RP1: variants seen among roughly 807,000 people sequenced by gnomAD.
RP1 encodes the protein oxygen-regulated protein 1.
Under a neutral mutation model 14.8 loss-of-function variants are expected in RP1, and 16 were observed. That is an observed-to-expected ratio of 1.08 (90% CI 0.73 to 1.65). The LOEUF (loss-of-function observed/expected upper bound fraction) is 1.65. RP1 is among the 40% of genes most tolerant of loss of function. The pLI, the probability that RP1 is intolerant of heterozygous loss-of-function variation, is 0.00. For synonymous variants in RP1, 876 were observed against 883.6 expected (o/e 0.99, Z 0.15); for missense variants, 2,631 against 2,535.0 (o/e 1.04, Z -0.81).
chr8:54,735,475 G>A (rs1808896136), intron 18 of RP1, among the ~76,000 whole-genome samples: 1 of 152,098 alleles, frequency 6.6e-6, no homozygotes, highest in African/African-American at 2.4e-5. Context: ...TTCTCTGGAG[G>A]GTATTCCTTT....
chr8:54,588,744 C>T (rs1314482140), intron 1 of RP1, among the ~76,000 whole-genome samples: 3 of 152,118 alleles, frequency 2.0e-5, no homozygotes, highest in Admixed American at 2.0e-4. Flanking sequence ...ACATGGGCCT[C>T]CCTTAATTTT....
intron 24 of RP1, among the ~76,000 whole-genome samples, chr8:54,815,471 A>G (rs1200828381): frequency 6.6e-6 from 1 of 152,246 alleles, no homozygotes; most frequent in African/African-American, 2.4e-5. Context: ...TAGGACTAAT[A>G]TTGATTTGCT....
intron 1 of RP1, among the ~76,000 whole-genome samples, chr8:54,584,306 C>T (rs1176287308): frequency 5.3e-5 from 8 of 152,142 alleles, no homozygotes; most frequent in Admixed American, 1.3e-4. Flanking sequence ...TGTAGTTGAG[C>T]GGTTTTGAGT....
At chr8:54,726,253 A>T in intron 16 of RP1, 1 of 1,364,136 alleles carries the variant, frequency 7.3e-7, no homozygotes, top group Non-Finnish European at 9.5e-7. Context: ...CAATAGCAAA[A>T]ATTAAACTTG....
Position 54,625,541 on chromosome 8 carries a change from A to G in RP1, c.1659A>G (p.Thr553=), listed in dbSNP as rs1230748428. 6.2e-7 allele frequency: 1 copy of G among 1,613,972 alleles called. No homozygotes were observed. The highest frequency in any genetic ancestry group is 8.5e-7 in the Non-Finnish European group (1 of 1,180,032). The stretch of plus-strand genomic sequence containing the variant: ...TAAGTGCTGGTGTTATAGAAATTAC[A>G]AGTCAGAAGATGTTAGAGATGTCAC... ...SAISAGVIEI[T]SQKMLEMSHN... is the part of the protein sequence containing the mutation. The change falls in exon 4 of 4, where the codon ACA becomes ACG. Residue 553 remains threonine (T), a synonymous_variant. Coordinates refer to ENST00000220676, the MANE Select transcript of RP1 (RefSeq NM_006269.2).
In RP1 at chr8:54,609,747, T is replaced by G. The variant is rs143723748; in HGVS notation, c.-12-11208T>G. Among the ~76,000 whole-genome samples the G allele has an allele frequency of 4.1e-3, 620 of 152,220 alleles. 9 individuals are homozygous for G. The highest frequency in any genetic ancestry group is 0.031 in the Admixed American group (469 of 15,292). On this transcript the variant is annotated intron_variant, in intron 1 of 22. Transcript: ENST00000636932. The stretch of plus-strand genomic sequence containing the variant: ...GAAGCAGTCAGAAGGGAAGGTCACC[T>G]CTACCAGCATCACTGCCTGTCTTTC...
chr8:54,831,265 A>T (rs1300787826), intron 24 of RP1, among the ~76,000 whole-genome samples: 1 of 152,010 alleles, frequency 6.6e-6, no homozygotes, highest in Non-Finnish European at 1.5e-5. Context: ...ATTTAACATG[A>T]TGAGAACTAC....
intron 17 of RP1, among the ~76,000 whole-genome samples, chr8:54,727,814 G>A (rs941160678): frequency 2.0e-5 from 3 of 151,586 alleles, no homozygotes; most frequent in African/African-American, 7.3e-5. Context: ...AAAATGGAAG[G>A]CTAAAACCTG....
At position 54,624,965 on chromosome 8, in the gene RP1, T is replaced by C. The variant is rs1235276964; in HGVS notation, c.1083T>C (p.Asn361=). The change falls in exon 4 of 4, where the codon AAT becomes AAC. Residue 361 remains asparagine, a synonymous_variant. Coordinates refer to ENST00000220676, the MANE Select transcript of RP1 (RefSeq NM_006269.2). ...TCAGTAAAACTGGTCCTTCTAATAA[T>C]GATGAAAAGAGTGAGATGAGTTTTC... is the stretch of plus-strand genomic sequence containing the variant. ...TTVSKTGPSN[N]DEKSEMSFPG... is the part of the protein sequence containing the mutation. The C allele has an allele frequency of 5.1e-5, 82 of 1,614,018 alleles. No homozygotes were observed. The highest frequency in any genetic ancestry group is 6.9e-5 in the Non-Finnish European group (81 of 1,180,030).
intron 24 of RP1, among the ~76,000 whole-genome samples, chr8:54,792,703 A>G (rs1370357716): frequency 6.6e-6 from 1 of 151,990 alleles, no homozygotes; most frequent in Non-Finnish European, 1.5e-5. Context: ...TGCTGAGAGG[A>G]AAGTTTATAA....
intron 24 of RP1, among the ~76,000 whole-genome samples, chr8:54,804,429 A>G (rs996100315): frequency 5.3e-5 from 8 of 152,194 alleles, no homozygotes; most frequent in African/African-American, 9.6e-5. Context: ...TGCCGGTGCT[A>G]GTTTTGATAT....
At chr8:54,655,172 C>T (rs759841905) in intron 5 of RP1, among the ~76,000 whole-genome samples, 12 of 152,080 alleles carry the variant, frequency 7.9e-5, no homozygotes, top group African/African-American at 1.2e-4. Flanking sequence ...AATTCTTAAA[C>T]GTCAGAAAAC....
intron 19 of RP1, chr8:54,739,114 T>G (rs1809005928): frequency 3.7e-5 from 34 of 918,138 alleles, no homozygotes; most frequent in Middle Eastern, 2.2e-4. Flanking sequence ...GAAAACGGTA[T>G]TTTCCTAATT....
In RP1 at chr8:54,573,007, A is replaced by AG. The variant is rs199546588; in HGVS notation, c.-13+13687_-13+13688insG. Among the ~76,000 whole-genome samples the AG allele has an allele frequency of 4.7e-3, 721 of 152,258 alleles. 3 individuals are homozygous for AG. Among genetic ancestry groups the AG allele is most frequent in the Non-Finnish European group, 7.5e-3 (512 of 68,014 alleles). On this transcript the variant is annotated intron_variant, in intron 1 of 22. Transcript: ENST00000636932. The stretch of plus-strand genomic sequence containing the variant: ...ACTTTTTACAATCTTGGCATAAAAA[A>AG]TCTTACTAATAATAGTGTCTTGACT...
At chr8:54,870,090 C>A in exon 29 of RP1, 1 of 400,042 alleles carries the variant, frequency 2.5e-6, no homozygotes, top group Non-Finnish European at 4.3e-6. Context: ...TGAGAACTTC[C>A]AAAATTGGGA....
chr8:54,817,327 G>T (rs1181552229), intron 24 of RP1, among the ~76,000 whole-genome samples: 4 of 152,146 alleles, frequency 2.6e-5, no homozygotes. Context: ...GGTTAGGGTT[G>T]GTGTCTTGGG....
At chr8:54,669,969 T>TTTG (rs1237411617) in intron 7 of RP1, among the ~76,000 whole-genome samples, 1 of 152,114 alleles carries the variant, frequency 6.6e-6, no homozygotes, top group Non-Finnish European at 1.5e-5. Flanking sequence ...ATGGCACATG[T>TTTG]ATACCTATGT....
intron 1 of RP1, among the ~76,000 whole-genome samples, chr8:54,589,658 A>AT (rs1805001901): frequency 6.6e-6 from 1 of 152,098 alleles, no homozygotes; most frequent in African/African-American, 2.4e-5. Flanking sequence ...CCAGCCTTGT[A>AT]TTTTTAGATA....
At chr8:54,592,559 T>C (rs1327453188) in intron 1 of RP1, among the ~76,000 whole-genome samples, 1 of 152,214 alleles carries the variant, frequency 6.6e-6, no homozygotes, top group African/African-American at 2.4e-5. Context: ...AGCCACTCAG[T>C]ATTCTTCTAT....
Sources: allele counts gnomAD v4.1 joint callset (sites outside exome capture counted in the v4.1 genomes callset), GRCh38; gene constraint gnomAD v4.1.1; transcripts MANE v1.5; gene names NCBI Gene and HGNC (gene_info 2026-07-23, HGNC 2026-07-21).